Variants in CADM1 observed in about 807,000 individuals in gnomAD.
CADM1 encodes cell adhesion molecule 1.
In CADM1, 15 loss-of-function variants were observed where a neutral mutation model predicts 53.1. The observed-to-expected ratio is 0.28, with a 90% CI of 0.19 to 0.44. CADM1 has a LOEUF of 0.44. Ranked by LOEUF, CADM1 falls within the 20% of genes least tolerant of loss-of-function variation. CADM1 has a pLI of 1.00. For synonymous variants in CADM1, 281 were observed against 243.0 expected, an observed-to-expected ratio of 1.16 and a Z score of -1.45; for missense variants, 434 against 611.3, an observed-to-expected ratio of 0.71 and a Z score of 3.06.
intron 1 of CADM1, among the ~76,000 whole-genome samples, chr11:115,294,988 G>A (rs1398204546): frequency 6.6e-6 from 1 of 152,074 alleles, no homozygotes; most frequent in African/African-American, 2.4e-5. Context: ...GCAGTGAGCC[G>A]AGATCACGCC....
chr11:115,409,083 T>A (rs1947390092), intron 1 of CADM1, among the ~76,000 whole-genome samples: 1 of 152,160 alleles, frequency 6.6e-6, no homozygotes, highest in Non-Finnish European at 1.5e-5. Context: ...TGAACATTTT[T>A]AAAATCCTGA....
chr11:115,242,884 G>A (rs1942288903), intron 1 of CADM1, among the ~76,000 whole-genome samples: 1 of 152,156 alleles, frequency 6.6e-6, no homozygotes, highest in Non-Finnish European at 1.5e-5. Context: ...AATAGTTCCT[G>A]TGGAAATAAC....
chr11:115,483,955 C>T (rs537442999), intron 1 of CADM1, among the ~76,000 whole-genome samples: 6 of 152,240 alleles, frequency 3.9e-5, no homozygotes, highest in African/African-American at 9.6e-5. Flanking sequence ...AAAAGGATGC[C>T]AAACTAGCCA....
chr11:115,222,783 C>A (rs1941454218), intron 5 of CADM1, among the ~76,000 whole-genome samples: 1 of 152,084 alleles, frequency 6.6e-6, no homozygotes. Context: ...AATTTGATCC[C>A]ATGGTGTGGT....
At chr11:115,417,185 T>C (rs1335808726) in intron 1 of CADM1, among the ~76,000 whole-genome samples, 5 of 152,210 alleles carry the variant, frequency 3.3e-5, no homozygotes, top group Non-Finnish European at 7.3e-5. Context: ...TTTCCCACAG[T>C]AGCTCATTAA....
intron 1 of CADM1, among the ~76,000 whole-genome samples, chr11:115,266,340 T>C (rs184944827): frequency 2.6e-5 from 4 of 152,356 alleles, no homozygotes; most frequent in African/African-American, 9.6e-5. Flanking sequence ...GCTCAATTGT[T>C]CTAGAATACT....
chr11:115,459,976 A>C (rs947889576), intron 1 of CADM1, among the ~76,000 whole-genome samples: 1 of 152,196 alleles, frequency 6.6e-6, no homozygotes, highest in Non-Finnish European at 1.5e-5. Context: ...GATTTCCCAC[A>C]AACAGGATTT....
intron 6 of CADM1, among the ~76,000 whole-genome samples, chr11:115,216,439 A>T (rs1380249281): frequency 6.6e-6 from 1 of 152,236 alleles, no homozygotes; most frequent in Non-Finnish European, 1.5e-5. Context: ...GTGGCCGAGC[A>T]CGGGTATTGC....
At chr11:115,433,644 A>G (rs7122693) in intron 1 of CADM1, among the ~76,000 whole-genome samples, 48,653 of 152,108 alleles carry the variant, frequency 0.32, 8,827 homozygotes, top group Non-Finnish European at 0.43. Flanking sequence ...AAACAGACCA[A>G]GAAGGTTCCC....
intron 3 of CADM1, among the ~76,000 whole-genome samples, chr11:115,233,220 G>C (rs1236738876): frequency 1.3e-5 from 2 of 152,142 alleles, no homozygotes; most frequent in Non-Finnish European, 2.9e-5. Flanking sequence ...AAACAACATT[G>C]CTCAAATGGA....
At chr11:115,418,155 A>G (rs1369206537) in intron 1 of CADM1, among the ~76,000 whole-genome samples, 1 of 152,166 alleles carries the variant, frequency 6.6e-6, no homozygotes, top group African/African-American at 2.4e-5. Context: ...GAGAGAGAAC[A>G]TTTGCCTTGC....
chr11:115,259,424 GCCC>G (rs1192125916), intron 1 of CADM1, among the ~76,000 whole-genome samples: 1 of 139,070 alleles, frequency 7.2e-6, no homozygotes, highest in African/African-American at 2.7e-5. Context: ...TCTTGCCTCA[GCCC>G]CCCAAGTGGC....
rs556638479 is a variant in CADM1, at chr11:115,198,322, G to A, written c.1111+84C>T. 8.0e-4 allele frequency: 809 copies of A among 1,007,680 alleles called. 2 individuals carry two copies. The highest frequency in any genetic ancestry group is 9.9e-4 in the Non-Finnish European group (654 of 663,762). The allele number at this position is 1,007,680 out of a possible 1,614,324, so 62.4% of individuals were successfully genotyped here. ...GTCTACTTGAAACATGATTTCCCTT[G>A]AAGACTACATTTCTCTTTTTCCCAG... On this transcript the variant is annotated intron_variant, in intron 9 of 11. Coordinates refer to ENST00000331581, the MANE Select transcript of CADM1 (RefSeq NM_001301043.2).
At chr11:115,279,928 C>T (rs995196019) in intron 1 of CADM1, among the ~76,000 whole-genome samples, 1 of 152,178 alleles carries the variant, frequency 6.6e-6, no homozygotes. Context: ...CAAGCCAGTA[C>T]CCTAGGATGA....
At chr11:115,338,674 G>C (rs9888216) in intron 1 of CADM1, among the ~76,000 whole-genome samples, 55,553 of 151,760 alleles carry the variant, frequency 0.37, 10,594 homozygotes, top group Non-Finnish European at 0.43. Flanking sequence ...CATCCCTACT[G>C]TGGTGTGTGC....
At chr11:115,488,685 C>T (rs1162016524) in intron 1 of CADM1, among the ~76,000 whole-genome samples, 1 of 152,188 alleles carries the variant, frequency 6.6e-6, no homozygotes, top group Non-Finnish European at 1.5e-5. Flanking sequence ...AAAAGGAAAC[C>T]TACTTTCTGT....
chr11:115,258,479 AG>A (rs1466070441), intron 1 of CADM1, among the ~76,000 whole-genome samples: 4 of 152,194 alleles, frequency 2.6e-5, no homozygotes, highest in Admixed American at 2.6e-4. Flanking sequence ...CAGGTCAAAG[AG>A]GGAACTCCGA....
At chr11:115,311,816 A>C (rs1035622853) in intron 1 of CADM1, among the ~76,000 whole-genome samples, 1 of 152,158 alleles carries the variant, frequency 6.6e-6, no homozygotes, top group Non-Finnish European at 1.5e-5. Context: ...TTGATTTTTA[A>C]GAAAACTAAG....
At chr11:115,447,828 C>A (rs1281012646) in intron 1 of CADM1, among the ~76,000 whole-genome samples, 1 of 152,232 alleles carries the variant, frequency 6.6e-6, no homozygotes, top group Non-Finnish European at 1.5e-5. Flanking sequence ...AGCACCACAG[C>A]AACTTCTCTG....
Sources: gnomAD v4.1 joint callset for allele counts (sites outside exome capture counted in the v4.1 genomes callset) on GRCh38, gnomAD v4.1.1 for gene constraint, MANE v1.5 for transcripts, NCBI Gene and HGNC (gene_info 2026-07-23, HGNC 2026-07-21) for gene names.